GPM6A: variants seen among roughly 807,000 people sequenced by gnomAD.
The protein encoded by GPM6A is glycoprotein M6A.
Under a neutral mutation model 32.1 loss-of-function variants are expected in GPM6A, and 7 were observed. The observed-to-expected ratio is 0.22, with a 90% CI of 0.12 to 0.41. The LOEUF (loss-of-function observed/expected upper bound fraction) is 0.41. Ranked by LOEUF, GPM6A falls within the 10% of genes least tolerant of loss-of-function variation. The probability of loss-of-function intolerance (pLI) is 1.00; values close to 1 mark genes in which losing one functional copy is unlikely to be tolerated. For missense variants in GPM6A, 235 were observed against 347.2 expected (o/e 0.68, Z 2.57); for synonymous variants, 130 against 123.4 (o/e 1.05, Z -0.35).
intron 3 of GPM6A, among the ~76,000 whole-genome samples, chr4:175,664,581 A>G (rs983449204): frequency 1.3e-5 from 2 of 152,234 alleles, no homozygotes; most frequent in Admixed American, 6.5e-5. Flanking sequence ...CCACTCAACA[A>G]ATCATGTTCA....
At chr4:175,906,025 G>GA (rs575987072) in intron 1 of GPM6A, among the ~76,000 whole-genome samples, 1 of 152,226 alleles carries the variant, frequency 6.6e-6, no homozygotes, top group South Asian at 2.1e-4. Context: ...TCTTGGTAAT[G>GA]AAAATTGCAG....
chr4:175,683,207 C>T (rs1743783571), intron 2 of GPM6A, among the ~76,000 whole-genome samples: 1 of 152,158 alleles, frequency 6.6e-6, no homozygotes, highest in Non-Finnish European at 1.5e-5. Context: ...TTAATGACTG[C>T]CCTGCTGTAT....
intron 1 of GPM6A, among the ~76,000 whole-genome samples, chr4:175,830,406 A>G (rs1394325217): frequency 2.0e-5 from 3 of 152,180 alleles, no homozygotes; most frequent in Non-Finnish European, 4.4e-5. Context: ...AGTGTATATA[A>G]AATAATGATG....
intron 2 of GPM6A, among the ~76,000 whole-genome samples, chr4:175,692,676 T>C (rs1393665972): frequency 6.6e-6 from 1 of 152,110 alleles, no homozygotes; most frequent in Non-Finnish European, 1.5e-5. Flanking sequence ...TTTTAATTTA[T>C]AGTATGTCAA....
intron 1 of GPM6A, among the ~76,000 whole-genome samples, chr4:175,924,122 G>A (rs1053610275): frequency 1.3e-5 from 2 of 152,020 alleles, no homozygotes; most frequent in Non-Finnish European, 2.9e-5. Flanking sequence ...TTTCTGACAC[G>A]ACCATATTAG....
At chr4:175,768,018 A>G (rs1353857402) in intron 1 of GPM6A, among the ~76,000 whole-genome samples, 3 of 152,248 alleles carry the variant, frequency 2.0e-5, no homozygotes, top group Non-Finnish European at 4.4e-5. Flanking sequence ...AGCATTTATC[A>G]AAACAGATAG....
intron 2 of GPM6A, among the ~76,000 whole-genome samples, chr4:175,680,949 T>C (rs894519657): frequency 6.6e-6 from 1 of 152,224 alleles, no homozygotes; most frequent in Non-Finnish European, 1.5e-5. Flanking sequence ...CTCATTCTTT[T>C]TAACTTGCAT....
chr4:175,666,992 C>G (rs1742789726), intron 3 of GPM6A, among the ~76,000 whole-genome samples: 1 of 152,098 alleles, frequency 6.6e-6, no homozygotes, highest in African/African-American at 2.4e-5. Context: ...AGATATTTCC[C>G]TAAACTTTTT....
intron 1 of GPM6A, among the ~76,000 whole-genome samples, chr4:175,904,390 TA>T (rs1738060263): frequency 6.6e-6 from 1 of 152,208 alleles, no homozygotes; most frequent in Non-Finnish European, 1.5e-5. Flanking sequence ...CTTTGAGTGA[TA>T]TTTTACAGAT....
At chr4:175,953,779 G>T (rs1490487601) in intron 1 of GPM6A, among the ~76,000 whole-genome samples, 1 of 152,090 alleles carries the variant, frequency 6.6e-6, no homozygotes. Context: ...CATGCCTGTA[G>T]TCCCAGCTAC....
chr4:175,902,799 C>T (rs886308330), intron 1 of GPM6A, among the ~76,000 whole-genome samples: 4 of 152,032 alleles, frequency 2.6e-5, no homozygotes, highest in Admixed American at 6.6e-5. Context: ...TAAACTTCTG[C>T]TCTTAACGTC....
At chr4:175,853,889 A>C (rs1241535577) in intron 1 of GPM6A, among the ~76,000 whole-genome samples, 1 of 152,190 alleles carries the variant, frequency 6.6e-6, no homozygotes. Flanking sequence ...GTATTTATAC[A>C]ATATGTTTTA....
At chr4:175,718,359 T>C (rs1745946442) in intron 1 of GPM6A, among the ~76,000 whole-genome samples, 1 of 152,188 alleles carries the variant, frequency 6.6e-6, no homozygotes, top group Non-Finnish European at 1.5e-5. Context: ...CTCACACCTG[T>C]AATCCCAGCA....
chr4:175,698,681 G>C (rs1744707712), intron 2 of GPM6A, among the ~76,000 whole-genome samples: 1 of 152,146 alleles, frequency 6.6e-6, no homozygotes, highest in African/African-American at 2.4e-5. Flanking sequence ...TAGCTCTGCA[G>C]GGCCTGTATA....
intron 1 of GPM6A, among the ~76,000 whole-genome samples, chr4:175,822,831 C>T (rs1735319758): frequency 6.6e-6 from 1 of 152,016 alleles, no homozygotes. Flanking sequence ...CTCCCCTTGC[C>T]CCCAGCCTCT....
intron 1 of GPM6A, among the ~76,000 whole-genome samples, chr4:175,748,970 A>T (rs1461493334): frequency 1.3e-5 from 2 of 152,086 alleles, no homozygotes; most frequent in Non-Finnish European, 2.9e-5. Flanking sequence ...AAACCTCATA[A>T]ATGAAGATCT....
chr4:175,959,016 T>A (rs1191017149), intron 1 of GPM6A, among the ~76,000 whole-genome samples: 2 of 151,984 alleles, frequency 1.3e-5, no homozygotes, highest in African/African-American at 4.8e-5. Context: ...TAAAAAACAG[T>A]TTCCACTGAA....
chr4:175,965,504 G>T (rs1431942578), intron 1 of GPM6A, among the ~76,000 whole-genome samples: 4 of 151,978 alleles, frequency 2.6e-5, no homozygotes, highest in Non-Finnish European at 5.9e-5. Context: ...CCATAGAATG[G>T]TTCTTTCAAA....
intron 1 of GPM6A, among the ~76,000 whole-genome samples, chr4:175,845,275 C>T (rs187138660): frequency 5.7e-4 from 87 of 152,138 alleles, no homozygotes; most frequent in African/African-American, 1.6e-3. Context: ...TTTATAATTA[C>T]GATAAATACA....
Sources: allele counts gnomAD v4.1 joint callset (sites outside exome capture counted in the v4.1 genomes callset), GRCh38; gene constraint gnomAD v4.1.1; transcripts MANE v1.5; gene names NCBI Gene and HGNC (gene_info 2026-07-23, HGNC 2026-07-21).